SPAG6: variants seen among roughly 807,000 people sequenced by gnomAD.
SPAG6 encodes sperm associated antigen 6.
Under a neutral mutation model 58.5 loss-of-function variants are expected in SPAG6, and 49 were observed. The observed-to-expected ratio is 0.84, with a 90% CI of 0.67 to 1.06. SPAG6 has a LOEUF of 1.06. Among genes scored for constraint, SPAG6 ranks in the 50% least tolerant of loss-of-function variants. The probability of loss-of-function intolerance (pLI) is 0.00; values close to 1 mark genes in which losing one functional copy is unlikely to be tolerated. For missense variants in SPAG6, 560 were observed against 611.3 expected (o/e 0.92, Z 0.89); for synonymous variants, 233 against 225.6 (o/e 1.03, Z -0.29).
chr10:22,411,250 C>A, intron 10 of SPAG6, 74 bp downstream of exon 10: 1 of 1,299,216 alleles, frequency 7.7e-7, no homozygotes, highest in East Asian at 2.4e-5. Flanking sequence ...GTTTTATATC[C>A]ACTGTGTCAA....
chr10:22,410,913 A>G (rs985948178), intron 9 of SPAG6, 118 bp from the exon 10 acceptor site: 10 of 980,098 alleles, frequency 1.0e-5, no homozygotes, highest in Middle Eastern at 4.7e-4. Flanking sequence ...TCATTATGTT[A>G]TAGGTATATT....
intron 2 of SPAG6, among the ~76,000 whole-genome samples, chr10:22,361,610 C>T (rs1837040628): frequency 6.6e-6 from 1 of 152,072 alleles, no homozygotes; most frequent in African/African-American, 2.4e-5. Flanking sequence ...GCAGAAGAAT[C>T]ACTGGAACCT....
intron 2 of SPAG6, among the ~76,000 whole-genome samples, chr10:22,355,684 T>C (rs745997643): frequency 1.3e-5 from 2 of 152,186 alleles, no homozygotes; most frequent in African/African-American, 4.8e-5. Flanking sequence ...TGACTTTATG[T>C]CTGAAAAAGT....
chr10:22,412,761 C>T (rs143914989), intron 10 of SPAG6: 19,192 of 254,434 alleles, frequency 0.075, 930 homozygotes, highest in Middle Eastern at 0.13. Flanking sequence ...TTAGTAGAGA[C>T]AGGGTTTCAC....
At chr10:22,392,927 C>CT (rs1171301487) in intron 8 of SPAG6, among the ~76,000 whole-genome samples, 6 of 151,050 alleles carry the variant, frequency 4.0e-5, no homozygotes, top group Non-Finnish European at 7.4e-5. Context: ...TAAGATTTAA[C>CT]TTTTTTTTTC....
At chr10:22,399,805 AT>A (rs1040081645) in intron 8 of SPAG6, among the ~76,000 whole-genome samples, 2 of 152,200 alleles carry the variant, frequency 1.3e-5, no homozygotes, top group African/African-American at 4.8e-5. Flanking sequence ...CTTTTCACTG[AT>A]AACAGTGAAG....
chr10:22,406,213 C>G (rs1449382804), intron 9 of SPAG6, among the ~76,000 whole-genome samples: 2 of 152,240 alleles, frequency 1.3e-5, no homozygotes, highest in Middle Eastern at 3.4e-3. Flanking sequence ...TTCTTTAGTT[C>G]TTTTAATTGT....
intron 2 of SPAG6, chr10:22,361,104 G>A (rs1837023458): frequency 2.6e-6 from 1 of 390,426 alleles, no homozygotes; most frequent in East Asian, 3.9e-5. Flanking sequence ...AGAAATTTGG[G>A]GTACTATTTT....
chr10:22,404,727 A>C (rs1450670170), intron 9 of SPAG6, among the ~76,000 whole-genome samples: 3 of 142,866 alleles, frequency 2.1e-5, no homozygotes, highest in African/African-American at 7.9e-5. Context: ...TACCTTGGGC[A>C]GTATGGCCAT....
intron 9 of SPAG6, among the ~76,000 whole-genome samples, chr10:22,409,865 T>C (rs1408338410): frequency 6.6e-6 from 1 of 152,208 alleles, no homozygotes; most frequent in East Asian, 1.9e-4. Flanking sequence ...CAAGTCTCCC[T>C]GATCCTAAGA....
chr10:22,348,953 C>T (rs1004390557), intron 2 of SPAG6, among the ~76,000 whole-genome samples: 8 of 152,170 alleles, frequency 5.3e-5, no homozygotes, highest in African/African-American at 1.9e-4. Flanking sequence ...CTGCCTCAGC[C>T]TCCTGAGTAG....
chr10:22,409,116 G>A (rs1041201834), intron 9 of SPAG6, among the ~76,000 whole-genome samples: 10 of 152,166 alleles, frequency 6.6e-5, no homozygotes, highest in Non-Finnish European at 1.0e-4. Context: ...GCTGTAGACC[G>A]GAGCTGTTCC....
chr10:22,401,210 C>A lies in SPAG6; in HGVS notation c.1247C>A (p.Ala416Asp). The change falls in exon 9 of 11, where the codon GCC (alanine) becomes GAC (aspartate). Residue 416 changes from alanine to aspartate, a missense_variant. Physicochemically the swap from Ala to Asp is moderately radical, Grantham distance 126 (BLOSUM62 -2). Transcript: ENST00000376624. ...CTGCAAAAATGTACCTACTTACCAG[C>A]CCTTGAACCATTTCTATATGATGCT... Reference protein sequence around the residue: ...NILQKCTYLPALEPFLYDAPP... With the variant: ...NILQKCTYLPDLEPFLYDAPP... The A allele has an allele frequency of 6.2e-7, 1 of 1,608,554 alleles. No individual in the cohort carries two copies. The highest frequency in any genetic ancestry group is 8.5e-7 in the Non-Finnish European group (1 of 1,175,156).
At chr10:22,411,332 AAATT>A (rs750078361) in intron 10 of SPAG6, 156 bp downstream of exon 10, 17 of 548,672 alleles carry the variant, frequency 3.1e-5, no homozygotes, top group Non-Finnish European at 5.0e-5. Context: ...TCCCCCTGCC[AAATT>A]AATTAATGAT....
chr10:22,403,134 T>A (rs527599981), intron 9 of SPAG6, among the ~76,000 whole-genome samples: 254 of 152,236 alleles, frequency 1.7e-3, no homozygotes, highest in Middle Eastern at 0.01. Flanking sequence ...CTTTTTTTTT[T>A]AAATTTATTA....
chr10:22,381,961 G>A (rs1833967349), intron 4 of SPAG6, among the ~76,000 whole-genome samples: 1 of 152,176 alleles, frequency 6.6e-6, no homozygotes, highest in Admixed American at 6.5e-5. Context: ...GTTACTGACA[G>A]ATCACTGCAA....
chr10:22,410,568 T>C (rs1208406951), intron 9 of SPAG6, among the ~76,000 whole-genome samples: 1 of 151,372 alleles, frequency 6.6e-6, no homozygotes, highest in Non-Finnish European at 1.5e-5. Flanking sequence ...TGGAAAGCCA[T>C]TTTAGGAAGA....
chr10:22,354,718 A>G (rs910780120), intron 2 of SPAG6, among the ~76,000 whole-genome samples: 2 of 152,162 alleles, frequency 1.3e-5, no homozygotes, highest in African/African-American at 2.4e-5. Context: ...GGACCTAATC[A>G]AGGGACAGCT....
chr10:22,347,012 T>TTA (rs1282458000), intron 2 of SPAG6, among the ~76,000 whole-genome samples: 1 of 152,208 alleles, frequency 6.6e-6, no homozygotes, highest in Non-Finnish European at 1.5e-5. Context: ...TTCGTTGATC[T>TTA]TATATAGGTT....
Sources: allele counts gnomAD v4.1 joint callset (sites outside exome capture counted in the v4.1 genomes callset), GRCh38; gene constraint gnomAD v4.1.1; transcripts MANE v1.5; gene names NCBI Gene and HGNC (gene_info 2026-07-23, HGNC 2026-07-21).